Variants in SPEF2 observed in about 807,000 individuals in gnomAD.
SPEF2 encodes sperm flagellar and cilia associated 2, also known as sperm flagella and cilia-associated protein 2.
Under a neutral mutation model 224.6 loss-of-function variants are expected in SPEF2, and 187 were observed. The ratio of observed to expected loss-of-function variants is 0.83; its 90% confidence interval spans 0.74 to 0.94. The LOEUF is 0.94. Among genes scored for constraint, SPEF2 ranks in the 40% least tolerant of loss-of-function variants. The pLI, the probability that SPEF2 is intolerant of heterozygous loss-of-function variation, is 0.00. For missense variants in SPEF2, 2,170 were observed against 2,135.6 expected, an observed-to-expected ratio of 1.02 and a Z score of -0.32; for synonymous variants, 715 against 707.3, an observed-to-expected ratio of 1.01 and a Z score of -0.17.
rs533136348 is a variant in SPEF2 at position 35,793,790 on chromosome 5, T to C, written c.4737+449T>C. 5.3e-5 allele frequency among the ~76,000 whole-genome samples: 8 copies of C among 150,932 alleles called. No individual in the cohort carries two copies. The South Asian group carries it at 1.0e-3, about 20-fold the overall frequency. ...CACAGGGAAAGGAGCAGGTTTTTTT[T>C]CTTTGGGGTGAGAGGGTGATGAATG... On this transcript the variant is annotated intron_variant, in intron 32 of 36. Coordinates refer to ENST00000356031, the MANE Select transcript of SPEF2 (RefSeq NM_024867.4).
intron 18 of SPEF2, among the ~76,000 whole-genome samples, chr5:35,707,517 G>C (rs1004767546): frequency 1.3e-5 from 2 of 152,114 alleles, no homozygotes; most frequent in East Asian, 3.8e-4. Context: ...GTAATCTAAG[G>C]GTGGAGTAAG....
chr5:35,734,382 G>A (rs1025369135), intron 21 of SPEF2, among the ~76,000 whole-genome samples: 5 of 129,080 alleles, frequency 3.9e-5, no homozygotes, highest in African/African-American at 8.7e-5. Context: ...TGGCTTCCCC[G>A]GGCCACAAGG....
intron 11 of SPEF2, among the ~76,000 whole-genome samples, chr5:35,691,599 G>A (rs1195810475): frequency 6.6e-6 from 1 of 152,172 alleles, no homozygotes; most frequent in African/African-American, 2.4e-5. Flanking sequence ...AGAGTCAGGG[G>A]TAGGGGAATG....
At chr5:35,700,435 T>G in intron 15 of SPEF2, 61 bp from the exon 16 acceptor site, 1 of 1,428,558 alleles carries the variant, frequency 7.0e-7, no homozygotes, top group Non-Finnish European at 9.6e-7. Flanking sequence ...AGATTCATCA[T>G]AGTATTTCCA....
intron 10 of SPEF2, among the ~76,000 whole-genome samples, chr5:35,688,769 G>A (rs1266203126): frequency 6.6e-6 from 1 of 152,148 alleles, no homozygotes; most frequent in Admixed American, 6.6e-5. Context: ...GAATCAGGAA[G>A]ATAATAATAC....
At chr5:35,659,768 C>T (rs1327456480) in intron 8 of SPEF2, among the ~76,000 whole-genome samples, 1 of 151,200 alleles carries the variant, frequency 6.6e-6, no homozygotes, top group Non-Finnish European at 1.5e-5. Context: ...TAAAAGTTCA[C>T]TAAGTTTACT....
chr5:35,739,088 A>G (rs1747137952), intron 21 of SPEF2, among the ~76,000 whole-genome samples: 1 of 152,218 alleles, frequency 6.6e-6, no homozygotes, highest in South Asian at 2.1e-4. Flanking sequence ...ACATGTTATA[A>G]AAACTATGCA....
intron 31 of SPEF2, 126 bp downstream of exon 31, chr5:35,792,572 A>T: frequency 4.4e-6 from 3 of 687,190 alleles, no homozygotes; most frequent in Non-Finnish European, 4.8e-6. Context: ...ATGAAATGTG[A>T]GTGAATGAAA....
intron 1 of SPEF2, 68 bp downstream of exon 1, chr5:35,618,123 A>T: frequency 2.0e-6 from 3 of 1,512,758 alleles, no homozygotes; most frequent in Non-Finnish European, 2.7e-6. Context: ...AGCGCAGCGC[A>T]GCGCACTCAG....
At chr5:35,810,449 G>A (rs1758465380) in intron 36 of SPEF2, among the ~76,000 whole-genome samples, 1 of 152,082 alleles carries the variant, frequency 6.6e-6, no homozygotes, top group African/African-American at 2.4e-5. Flanking sequence ...CTGACCTCAG[G>A]CGATCCACCC....
chr5:35,670,858 A>C, intron 10 of SPEF2: 1 of 984,272 alleles, frequency 1.0e-6, no homozygotes, highest in Non-Finnish European at 1.2e-6. Flanking sequence ...CAATTAATGG[A>C]AAGGGAATGC....
chr5:35,717,189 A>T (rs1348425966), intron 20 of SPEF2, among the ~76,000 whole-genome samples: 1 of 152,190 alleles, frequency 6.6e-6, no homozygotes, highest in African/African-American at 2.4e-5. Flanking sequence ...TTTTAATTAC[A>T]GGATTTTTTT....
chr5:35,792,255 A>C (rs55890415), intron 30 of SPEF2, 85 bp from the exon 31 acceptor site: 18 of 970,186 alleles, frequency 1.9e-5, no homozygotes, highest in Non-Finnish European at 2.8e-5. Flanking sequence ...GAGAGTTTTA[A>C]AATACTCATT....
chr5:35,740,530 A>T (rs909802217), intron 23 of SPEF2, among the ~76,000 whole-genome samples: 1 of 152,152 alleles, frequency 6.6e-6, no homozygotes, highest in Non-Finnish European at 1.5e-5. Context: ...GTAGATTTCT[A>T]GTCCCTTAGT....
At chr5:35,756,689 G>A (rs942872275) in intron 24 of SPEF2, among the ~76,000 whole-genome samples, 1 of 152,132 alleles carries the variant, frequency 6.6e-6, no homozygotes, top group Admixed American at 6.5e-5. Context: ...TTCCCAAAGC[G>A]GGTTCCGTAG....
At chr5:35,650,136 C>T (rs1012308014) in intron 6 of SPEF2, among the ~76,000 whole-genome samples, 2 of 152,154 alleles carry the variant, frequency 1.3e-5, no homozygotes, top group Non-Finnish European at 2.9e-5. Context: ...AAAAAAATTA[C>T]ATACTTCAGT....
chr5:35,727,135 G>T (rs1028608362), intron 20 of SPEF2, among the ~76,000 whole-genome samples: 11 of 152,046 alleles, frequency 7.2e-5, no homozygotes, highest in Admixed American at 2.0e-4. Flanking sequence ...TTTCCCCACA[G>T]AAACGCTGTG....
At chr5:35,670,355 G>A (rs1359264779) in intron 10 of SPEF2, 128 bp downstream of exon 10, 12 of 1,410,436 alleles carry the variant, frequency 8.5e-6, no homozygotes, top group Non-Finnish European at 1.1e-5. Flanking sequence ...ATTTTCCCTT[G>A]TTTTAATTTG....
chr5:35,800,154 G>T lies in SPEF2; in HGVS notation c.5010+7G>T. On this transcript the variant is annotated splice_region_variant and intron_variant, in intron 34 of 36. Transcript: ENST00000356031. Reference sequence around the variant, plus strand: ...CATTCCAAGTGCAGAAAAGGTAATTGCATTCCAGAAATAGACTAACTATAG... The same window carrying T: ...CATTCCAAGTGCAGAAAAGGTAATTTCATTCCAGAAATAGACTAACTATAG... The T allele has an allele frequency of 1.9e-6, 3 of 1,613,912 alleles. No homozygotes were observed. Among genetic ancestry groups the T allele is most frequent in the Non-Finnish European group, 2.5e-6 (3 of 1,179,924 alleles).
Sources: gnomAD v4.1 joint callset for allele counts (sites outside exome capture counted in the v4.1 genomes callset) on GRCh38, gnomAD v4.1.1 for gene constraint, MANE v1.5 for transcripts, NCBI Gene and HGNC (gene_info 2026-07-23, HGNC 2026-07-21) for gene names.